PTPRD: variants seen among roughly 807,000 people sequenced by gnomAD.
PTPRD encodes the protein receptor-type tyrosine-protein phosphatase delta.
A neutral mutation model predicts 214.5 loss-of-function variants in PTPRD; 34 were observed. The observed-to-expected ratio is 0.16, with a 90% CI of 0.12 to 0.21. The LOEUF (loss-of-function observed/expected upper bound fraction) is 0.21, where lower values mean the gene tolerates loss of function less well. Among genes scored for constraint, PTPRD ranks in the 10% least tolerant of loss-of-function variants. The pLI is 1.00. For synonymous variants in PTPRD, 1,128 were observed against 845.7 expected, an observed-to-expected ratio of 1.33 and a Z score of -5.79; for missense variants, 2,545 against 2,398.7, an observed-to-expected ratio of 1.06 and a Z score of -1.27.
chr9:8,770,857 TA>T (rs1420799417), intron 11 of PTPRD, among the ~76,000 whole-genome samples: 1 of 151,832 alleles, frequency 6.6e-6, no homozygotes, highest in East Asian at 1.9e-4. Context: ...TTGAACGGAG[TA>T]AAACTTCCCA....
At chr9:10,316,954 TA>T (rs554985681) in intron 3 of PTPRD, among the ~76,000 whole-genome samples, 2 of 151,600 alleles carry the variant, frequency 1.3e-5, no homozygotes, top group Non-Finnish European at 2.9e-5. Context: ...CTCTAAATAT[TA>T]AAAAAAATTA....
intron 11 of PTPRD, among the ~76,000 whole-genome samples, chr9:8,895,781 AG>A (rs758664458): frequency 6.6e-6 from 1 of 152,238 alleles, no homozygotes; most frequent in Admixed American, 6.5e-5. Context: ...AAAGACAGGT[AG>A]GAAGAGCCTT....
intron 3 of PTPRD, among the ~76,000 whole-genome samples, chr9:10,246,449 G>A (rs1192084447): frequency 6.6e-6 from 1 of 152,120 alleles, no homozygotes; most frequent in African/African-American, 2.4e-5. Flanking sequence ...TCACCATGTT[G>A]GCCAGTCTGC....
chr9:9,271,493 T>G (rs4272446), intron 9 of PTPRD, among the ~76,000 whole-genome samples: 98,496 of 151,100 alleles, frequency 0.65, 32,415 homozygotes, highest in African/African-American at 0.71. Flanking sequence ...CAGCAAGTGG[T>G]AAAAAATCCA....
intron 5 of PTPRD, among the ~76,000 whole-genome samples, chr9:9,898,500 G>C (rs1331340872): frequency 6.6e-6 from 1 of 151,954 alleles, no homozygotes; most frequent in East Asian, 1.9e-4. Flanking sequence ...CCGCATCAAG[G>C]ATTACTTCAT....
At chr9:9,858,018 A>T (rs1465058631) in intron 5 of PTPRD, among the ~76,000 whole-genome samples, 11 of 152,216 alleles carry the variant, frequency 7.2e-5, no homozygotes, top group South Asian at 6.2e-4. Flanking sequence ...ACCATTATCT[A>T]TGTCAAAAGA....
intron 9 of PTPRD, among the ~76,000 whole-genome samples, chr9:9,364,158 T>C (rs1055185290): frequency 6.6e-6 from 1 of 151,448 alleles, no homozygotes; most frequent in African/African-American, 2.4e-5. Flanking sequence ...AATAGAAATA[T>C]TGAGTCTAAA....
intron 9 of PTPRD, among the ~76,000 whole-genome samples, chr9:9,211,978 T>G (rs910728282): frequency 2.0e-5 from 3 of 152,178 alleles, no homozygotes; most frequent in African/African-American, 7.2e-5. Context: ...CCAAGTTTAA[T>G]GAACATAAAA....
chr9:9,550,606 A>G lies in PTPRD; in HGVS notation c.-237+24126T>C, dbSNP rs535739516. 9.9e-5 allele frequency among the ~76,000 whole-genome samples: 15 copies of G among 150,872 alleles called. No individual in the cohort carries two copies. The South Asian group carries it at 1.3e-3, about 13-fold the overall frequency. On this transcript the variant is annotated intron_variant, in intron 8 of 45. Coordinates refer to ENST00000381196, the MANE Select transcript of PTPRD (RefSeq NM_002839.4). ...TCCTATTGGTTCTGTTGCTCTGGAA[A>G]GCCATAATACAAAGTTCATAAAAAC...
rs79346533 is a variant in PTPRD at position 9,099,204 on chromosome 9, G to A, written c.-142-80469C>T. Reference sequence around the variant, plus strand: ...CATTTATTAGCAACAGGTGATGGGAGAGGTAAAAAGCAATCCACGTAGATT... The same window carrying A: ...CATTTATTAGCAACAGGTGATGGGAAAGGTAAAAAGCAATCCACGTAGATT... On this transcript the variant is annotated intron_variant, in intron 10 of 45. Coordinates refer to ENST00000381196, the MANE Select transcript of PTPRD (RefSeq NM_002839.4). Among the ~76,000 whole-genome samples, 548 of 152,290 alleles carry A rather than the reference G, an allele frequency of 3.6e-3. 4 individuals carry two copies. The highest frequency in any genetic ancestry group is 0.013 in the African/African-American group (528 of 41,550).
intron 11 of PTPRD, among the ~76,000 whole-genome samples, chr9:8,859,115 T>C (rs983544209): frequency 2.0e-5 from 3 of 152,226 alleles, no homozygotes; most frequent in Admixed American, 1.3e-4. Context: ...TCGGGGATGC[T>C]TGTAGGATCC....
At chr9:9,055,519 C>T (rs573636202) in intron 10 of PTPRD, among the ~76,000 whole-genome samples, 1 of 152,090 alleles carries the variant, frequency 6.6e-6, no homozygotes, top group East Asian at 1.9e-4. Flanking sequence ...GCACTATGGC[C>T]CAGCCAACTT....
chr9:8,496,171 A>AACACACACACAC (rs566859758), intron 26 of PTPRD, among the ~76,000 whole-genome samples: 2 of 135,024 alleles, frequency 1.5e-5, no homozygotes, highest in African/African-American at 5.5e-5. Context: ...CCAACTCTCC[A>AACACACACACAC]ACACACACAC....
intron 3 of PTPRD, among the ~76,000 whole-genome samples, chr9:10,263,486 G>T (rs996613948): frequency 6.6e-6 from 1 of 152,110 alleles, no homozygotes; most frequent in Non-Finnish European, 1.5e-5. Flanking sequence ...AACTTGTTGG[G>T]AACTGGAGTA....
rs534894919 is a variant in PTPRD, at chr9:9,446,651, C to T, written c.-236-49169G>A. ...AAGGGAACACAATAGATTAAAAATC[C>T]CTGACCTCCAAATGGGATCTAATTA... On this transcript the variant is annotated intron_variant, in intron 8 of 45. Coordinates refer to ENST00000381196, the MANE Select transcript of PTPRD (RefSeq NM_002839.4). 2.0e-5 allele frequency among the ~76,000 whole-genome samples: 3 copies of T among 152,122 alleles called. No homozygotes were observed. The South Asian group carries it at 6.2e-4, about 32-fold the overall frequency.
At chr9:9,116,008 G>C (rs1476610042) in intron 10 of PTPRD, among the ~76,000 whole-genome samples, 1 of 152,066 alleles carries the variant, frequency 6.6e-6, no homozygotes, top group African/African-American at 2.4e-5. Context: ...TTATAAGTGA[G>C]CTAAACATTG....
At chr9:9,567,850 T>C (rs1449774565) in intron 8 of PTPRD, among the ~76,000 whole-genome samples, 3 of 151,908 alleles carry the variant, frequency 2.0e-5, no homozygotes, top group Non-Finnish European at 4.4e-5. Context: ...ACACATTTGA[T>C]AGAAGAGATG....
intron 8 of PTPRD, among the ~76,000 whole-genome samples, chr9:9,423,378 G>A (rs117452796): frequency 0.036 from 5,516 of 152,226 alleles, 148 homozygotes; most frequent in Non-Finnish European, 0.055. Flanking sequence ...AATCCAAGAA[G>A]GGACCTGTCA....
In PTPRD at chr9:8,487,735, G is replaced by A. The variant is rs530227517; in HGVS notation, c.2468-1386C>T. On this transcript the variant is annotated intron_variant, in intron 27 of 45. Coordinates refer to ENST00000381196, the MANE Select transcript of PTPRD (RefSeq NM_002839.4). ...TGAGGCAGGAGCATCACTTGAACCC[G>A]GGAGGCAGAGGTTGCAGTGAGCCGA... Among the ~76,000 whole-genome samples, 9 of 152,208 alleles carry A rather than the reference G, an allele frequency of 5.9e-5. No homozygotes were observed. The East Asian group carries it at 1.7e-3, about 29-fold the overall frequency.
Sources: allele counts gnomAD v4.1 joint callset (sites outside exome capture counted in the v4.1 genomes callset), GRCh38; gene constraint gnomAD v4.1.1; transcripts MANE v1.5; gene names NCBI Gene and HGNC (gene_info 2026-07-23, HGNC 2026-07-21).